ZNF521: variants seen among roughly 807,000 people sequenced by gnomAD.
ZNF521 encodes the protein zinc finger protein 521, also known as LYST-interacting protein 3.
In ZNF521, 14 loss-of-function variants were observed where a neutral mutation model predicts 105.5. The observed-to-expected ratio is 0.13, with a 90% CI of 0.09 to 0.21. The LOEUF is 0.21. Among genes scored for constraint, ZNF521 ranks in the 10% least tolerant of loss-of-function variants. The probability of loss-of-function intolerance (pLI) is 1.00; values close to 1 mark genes in which losing one functional copy is unlikely to be tolerated. For missense variants in ZNF521, 1,233 were observed against 1,629.7 expected (o/e 0.76, Z 4.19); for synonymous variants, 635 against 606.0 (o/e 1.05, Z -0.70).
intron 4 of ZNF521, among the ~76,000 whole-genome samples, chr18:25,213,089 C>T (rs2036221355): frequency 6.6e-6 from 1 of 150,832 alleles, no homozygotes; most frequent in Non-Finnish European, 1.5e-5. Context: ...CCCAGCATGC[C>T]TTAATAGTAA....
At chr18:25,276,967 A>C (rs1316750898) in intron 3 of ZNF521, among the ~76,000 whole-genome samples, 1 of 152,114 alleles carries the variant, frequency 6.6e-6, no homozygotes, top group Non-Finnish European at 1.5e-5. Flanking sequence ...TGGATCACCT[A>C]AGGTCAGGAG....
chr18:25,088,215 T>C (rs558142567), intron 7 of ZNF521, among the ~76,000 whole-genome samples: 1 of 151,748 alleles, frequency 6.6e-6, no homozygotes, highest in East Asian at 1.9e-4. Flanking sequence ...TTTTCTTTTC[T>C]TTTCTTTTTT....
At chr18:25,237,031 T>C (rs2144779560) in intron 3 of ZNF521, among the ~76,000 whole-genome samples, 1 of 152,350 alleles carries the variant, frequency 6.6e-6, no homozygotes, top group Non-Finnish European at 1.5e-5. Flanking sequence ...TTTTCACTTT[T>C]GGTTTGATTT....
intron 5 of ZNF521, among the ~76,000 whole-genome samples, chr18:25,099,275 C>T (rs191001605): frequency 1.3e-5 from 2 of 152,110 alleles, no homozygotes; most frequent in East Asian, 3.9e-4. Flanking sequence ...AAAACAATAT[C>T]TATTGTTTGT....
chr18:25,089,688 G>T, intron 6 of ZNF521, 108 bp from the exon 7 acceptor site: 1 of 815,866 alleles, frequency 1.2e-6, no homozygotes, highest in Non-Finnish European at 2.0e-6. Context: ...CCTCCCAGGT[G>T]TGACTTACTG....
chr18:25,335,861 G>T (rs1246149584), intron 2 of ZNF521, among the ~76,000 whole-genome samples: 1 of 152,206 alleles, frequency 6.6e-6, no homozygotes, highest in Non-Finnish European at 1.5e-5. Context: ...AGCGAGCGCG[G>T]ACAGAGGCTG....
chr18:25,089,639 G>T, intron 6 of ZNF521, 59 bp from the exon 7 acceptor site: 1 of 1,391,332 alleles, frequency 7.2e-7, no homozygotes, highest in South Asian at 1.2e-5. Flanking sequence ...GCCCTCAGTC[G>T]ATGACTCTGC....
chr18:25,101,317 G>A (rs898735410), intron 5 of ZNF521, among the ~76,000 whole-genome samples: 7 of 152,066 alleles, frequency 4.6e-5, no homozygotes, highest in African/African-American at 1.7e-4. Context: ...TGAGGGACTT[G>A]TGCATGCATG....
At chr18:25,083,898 G>A (rs1294207166) in intron 7 of ZNF521, among the ~76,000 whole-genome samples, 1 of 143,034 alleles carries the variant, frequency 7.0e-6, no homozygotes, top group Non-Finnish European at 1.5e-5. Flanking sequence ...AGCCTCCTGA[G>A]TACCTGGGAC....
chr18:25,103,997 T>C (rs149952213), intron 5 of ZNF521, among the ~76,000 whole-genome samples: 3 of 152,026 alleles, frequency 2.0e-5, no homozygotes, highest in Non-Finnish European at 4.4e-5. Context: ...ACAAAAACCA[T>C]GGATTAGTTA....
intron 5 of ZNF521, among the ~76,000 whole-genome samples, chr18:25,123,595 T>C (rs986378192): frequency 9.9e-5 from 15 of 152,180 alleles, no homozygotes; most frequent in Admixed American, 2.0e-4. Context: ...GCCTTGGTTG[T>C]TGCATTCTCC....
intron 3 of ZNF521, among the ~76,000 whole-genome samples, chr18:25,270,560 T>C (rs1450788482): frequency 6.6e-6 from 1 of 152,012 alleles, no homozygotes; most frequent in Non-Finnish European, 1.5e-5. Flanking sequence ...CAGCAGCACA[T>C]CAAAAAGCTT....
intron 3 of ZNF521, among the ~76,000 whole-genome samples, chr18:25,299,214 G>A (rs938841719): frequency 2.0e-5 from 3 of 152,150 alleles, no homozygotes; most frequent in Admixed American, 6.5e-5. Flanking sequence ...CATGAGGTCT[G>A]GGTAGGAAAC....
rs76016773 is a variant in ZNF521 at position 25,297,835 on chromosome 18, C to G, written c.220+24173G>C. Among the ~76,000 whole-genome samples the G allele has an allele frequency of 9.5e-3, 1,442 of 152,232 alleles. 96 individuals are homozygous for G. In the East Asian group the frequency reaches 0.2, roughly 21 times the overall value. On this transcript the variant is annotated intron_variant, in intron 3 of 7. Transcript: ENST00000361524. ...AGAAGACTGAGATGAGTTTCAAATA[C>G]TTCCCTTTTTATTATAACAATCTTC...
chr18:25,225,825 C>A lies in ZNF521; in HGVS notation c.2093G>T (p.Ser698Ile). The change falls in exon 4 of 8, where the codon AGT becomes ATT. Residue 698 changes from serine (S) to isoleucine (I), a missense_variant. By Grantham distance (142) the Ser-to-Ile change is moderately radical. Around this residue, in one of 6 missense-constraint regions of ZNF521, gnomAD observed 614 missense variants for 751.5 expected, o/e 0.82. Coordinates refer to ENST00000361524, the MANE Select transcript of ZNF521 (RefSeq NM_015461.3). This position sits in a 1 kb window ranked among gnomAD's most constrained non-coding sequence, Gnocchi z 5.6. ...MITSTYYICE[S>I]CDKQFTSVDD... is the part of the protein sequence containing the mutation. ...CACTGATGTGAATTGCTTGTCACAA[C>A]TCTCACAGATGTAATACGTTGAAGT... 1 of 1,614,228 alleles carries A rather than the reference C, an allele frequency of 6.2e-7. No homozygotes were observed. Among genetic ancestry groups the A allele is most frequent in the Non-Finnish European group, 8.5e-7 (1 of 1,180,040 alleles).
chr18:25,286,202 G>A (rs1220686999), intron 3 of ZNF521, among the ~76,000 whole-genome samples: 1 of 152,160 alleles, frequency 6.6e-6, no homozygotes, highest in Non-Finnish European at 1.5e-5. Context: ...CTCTGGCACT[G>A]ATGAGAGAGT....
chr18:25,283,804 A>C (rs1334252150), intron 3 of ZNF521, among the ~76,000 whole-genome samples: 1 of 152,180 alleles, frequency 6.6e-6, no homozygotes. Flanking sequence ...GCCAAATTCC[A>C]AAAGAGTTGG....
Position 25,244,532 on chromosome 18 carries a change from G to C in ZNF521, c.221-16835C>G, listed in dbSNP as rs560957702. ...CCAGTGCTCAAGAAATGTAGGAAAA[G>C]GGACCCAGAGTCTTTGTTCTGGAAG... On this transcript the variant is annotated intron_variant, in intron 3 of 7. Transcript: ENST00000361524. Among the ~76,000 whole-genome samples, 9 of 152,294 alleles carry C rather than the reference G, an allele frequency of 5.9e-5. No individual in the cohort carries two copies. The South Asian group carries it at 1.9e-3, about 32-fold the overall frequency.
At chr18:25,207,442 C>A (rs1377806484) in intron 4 of ZNF521, among the ~76,000 whole-genome samples, 1 of 152,198 alleles carries the variant, frequency 6.6e-6, no homozygotes, top group East Asian at 1.9e-4. Context: ...GCCTCTCCAT[C>A]GCCAGTTCTT....
Sources: allele counts gnomAD v4.1 joint callset (sites outside exome capture counted in the v4.1 genomes callset), GRCh38; gene constraint gnomAD v4.1.1; regional missense constraint gnomAD v4.1.1; non-coding constraint Gnocchi (gnomAD v3.1); transcripts MANE v1.5; gene names NCBI Gene and HGNC (gene_info 2026-07-23, HGNC 2026-07-21).